USP45: variants seen among roughly 807,000 people sequenced by gnomAD.
USP45 encodes the protein ubiquitin carboxyl-terminal hydrolase 45.
Under a neutral mutation model 95.8 loss-of-function variants are expected in USP45, and 89 were observed. The ratio of observed to expected loss-of-function variants is 0.93; its 90% CI spans 0.78 to 1.11. USP45 has a LOEUF of 1.11. USP45 is among the 50% of genes least tolerant of loss of function. USP45 has a pLI of 0.00. For missense variants in USP45, 898 were observed against 942.5 expected, an observed-to-expected ratio of 0.95 and a Z score of 0.62; for synonymous variants, 281 against 316.2, an observed-to-expected ratio of 0.89 and a Z score of 1.18.
chr6:99,447,249 C>T (rs573763684), intron 13 of USP45, among the ~76,000 whole-genome samples: 1 of 152,260 alleles, frequency 6.6e-6, no homozygotes, highest in Admixed American at 6.5e-5. Context: ...ACTAAAGTTT[C>T]CACACAGCTG....
chr6:99,451,871 TA>T (rs1174898143), intron 13 of USP45, among the ~76,000 whole-genome samples: 1 of 152,024 alleles, frequency 6.6e-6, no homozygotes, highest in Non-Finnish European at 1.5e-5. Flanking sequence ...GCAGAAATAA[TA>T]CCACACATCT....
intron 7 of USP45, among the ~76,000 whole-genome samples, chr6:99,486,165 C>T (rs929860216): frequency 5.9e-5 from 9 of 151,972 alleles, no homozygotes; most frequent in South Asian, 4.2e-4. Flanking sequence ...AAAAAATAAA[C>T]GGTATATAGA....
chr6:99,486,633 A>G (rs1157420407), intron 7 of USP45, among the ~76,000 whole-genome samples: 2 of 150,848 alleles, frequency 1.3e-5, no homozygotes, highest in African/African-American at 4.9e-5. Context: ...TATTATATAT[A>G]TATAACAGTA....
intron 5 of USP45, among the ~76,000 whole-genome samples, chr6:99,489,261 G>A (rs1227118079): frequency 1.3e-5 from 2 of 152,102 alleles, no homozygotes; most frequent in Non-Finnish European, 2.9e-5. Flanking sequence ...GTGTGATTGG[G>A]AATAAGTCAA....
In USP45 at chr6:99,488,121, C is replaced by G. The variant is rs147541697; in HGVS notation, c.714+79G>C. On this transcript the variant is annotated intron_variant, in intron 7 of 17. Coordinates refer to ENST00000500704, the MANE Select transcript of USP45 (RefSeq NM_001346022.3). ...CTGGCTACTATCTTAGTTGACTGAT[C>G]TGCGAATTAGGAAAAGAGATTTTGG... is the stretch of plus-strand genomic sequence containing the variant. The G allele has an allele frequency of 7.2e-4, 650 of 902,080 alleles. 5 individuals carry two copies. In the African/African-American group the frequency reaches 9.3e-3, roughly 13 times the overall value. The allele number at this position is 902,080 out of a possible 1,614,324, so 55.9% of individuals were successfully genotyped here.
At position 99,433,739 on chromosome 6, in the gene USP45, T is replaced by C. The variant is rs1780050209; in HGVS notation, c.*1977A>G. 2 of 152,188 alleles carry C rather than the reference T, an allele frequency of 1.3e-5. No homozygotes were observed. The highest frequency in any genetic ancestry group is 2.1e-4 in the South Asian group (1 of 4,836). The allele number at this position is 152,188 out of a possible 1,614,324, so 9.4% of individuals were successfully genotyped here. A position where few individuals can be genotyped will look rare whatever the true frequency, so the allele number is the denominator to read the frequency against. ...GTAGATCTTTCCATTTTAAATGATG[T>C]TAAAATAGTGTCAGCACTGTGACTG... On this transcript the variant is annotated 3_prime_UTR_variant, in exon 18 of 18. Coordinates refer to ENST00000500704, the MANE Select transcript of USP45 (RefSeq NM_001346022.3).
At chr6:99,469,198 A>AAC (rs1788700386) in intron 9 of USP45, among the ~76,000 whole-genome samples, 1 of 151,956 alleles carries the variant, frequency 6.6e-6, no homozygotes, top group Non-Finnish European at 1.5e-5. Context: ...GTCAATAATG[A>AAC]TTATGTTTTC....
intron 13 of USP45, chr6:99,460,763 T>G (rs1168585515): frequency 1.0e-6 from 1 of 983,890 alleles, no homozygotes; most frequent in Non-Finnish European, 1.2e-6. Context: ...ATTTTCTGAA[T>G]ATAACCCCAA....
Position 99,510,103 on chromosome 6 carries a change from C to T in USP45, c.100+18G>A, listed in dbSNP as rs772986613. On this transcript the variant is annotated intron_variant, in intron 2 of 17. Coordinates refer to ENST00000500704, the MANE Select transcript of USP45 (RefSeq NM_001346022.3). ...TTTCTTCTCAACACTATTTGGGATG[C>T]CATATATCACAATTTACCAGCAATA... The T allele has an allele frequency of 1.4e-5, 21 of 1,551,498 alleles. No individual in the cohort carries two copies. In the Admixed American group the frequency reaches 1.5e-4, roughly 11 times the overall value.
intron 13 of USP45, chr6:99,462,295 A>G: frequency 2.0e-6 from 2 of 985,130 alleles, no homozygotes; most frequent in Non-Finnish European, 1.2e-6. Context: ...TACAGTTTCT[A>G]TATATCATAT....
intron 13 of USP45, chr6:99,461,006 C>T (rs1043281185): frequency 1.8e-5 from 18 of 985,268 alleles, no homozygotes; most frequent in East Asian, 2.3e-4. Context: ...ATTGGCAAAA[C>T]GCTGCGCAGC....
At chr6:99,441,298 G>A (rs1299948229) in intron 15 of USP45, among the ~76,000 whole-genome samples, 1 of 152,076 alleles carries the variant, frequency 6.6e-6, no homozygotes, top group Admixed American at 6.5e-5. Context: ...TTGGGAGGCC[G>A]AGGTGGGTGG....
At chr6:99,454,007 G>A in intron 13 of USP45, among the ~76,000 whole-genome samples, 1 of 152,128 alleles carries the variant, frequency 6.6e-6, no homozygotes, top group East Asian at 1.9e-4. Flanking sequence ...AAAAGAGCCA[G>A]AATCACTAAA....
chr6:99,501,256 G>A (rs1225726347), intron 5 of USP45, among the ~76,000 whole-genome samples: 1 of 146,616 alleles, frequency 6.8e-6, no homozygotes. Context: ...CCTACAATCT[G>A]TGTGCCACAT....
chr6:99,495,587 C>G (rs1022025938), intron 5 of USP45, among the ~76,000 whole-genome samples: 1 of 152,152 alleles, frequency 6.6e-6, no homozygotes, highest in East Asian at 1.9e-4. Flanking sequence ...CCCGGGCAGT[C>G]TAGCTTCAGA....
intron 5 of USP45, among the ~76,000 whole-genome samples, chr6:99,490,002 CAAAG>C (rs936093772): frequency 6.6e-6 from 1 of 152,046 alleles, no homozygotes; most frequent in Non-Finnish European, 1.5e-5. Context: ...AATATGAAAA[CAAAG>C]AACAATTCCT....
At chr6:99,469,486 A>AT (rs60670572) in intron 9 of USP45, among the ~76,000 whole-genome samples, 6 of 136,788 alleles carry the variant, frequency 4.4e-5, no homozygotes, top group African/African-American at 1.6e-4. Context: ...ATATATATAT[A>AT]TTTTTTTTTT....
chr6:99,497,199 T>C (rs116325054), intron 5 of USP45, among the ~76,000 whole-genome samples: 2,869 of 152,238 alleles, frequency 0.019, 85 homozygotes, highest in African/African-American at 0.066. Context: ...AAAATGCTTA[T>C]TTGCCCATTT....
intron 1 of USP45, among the ~76,000 whole-genome samples, chr6:99,511,557 C>T (rs567740654): frequency 6.6e-6 from 1 of 152,038 alleles, no homozygotes; most frequent in Admixed American, 6.6e-5. Flanking sequence ...TCAGGTGATA[C>T]GCCCACCTCA....
Sources: gnomAD v4.1 joint callset for allele counts (sites outside exome capture counted in the v4.1 genomes callset) on GRCh38, gnomAD v4.1.1 for gene constraint, MANE v1.5 for transcripts, NCBI Gene and HGNC (gene_info 2026-07-23, HGNC 2026-07-21) for gene names.